ST6GALNAC3: variants seen among roughly 807,000 people sequenced by gnomAD.
ST6GALNAC3 encodes the protein ST6 N-acetylgalactosaminide alpha-2,6-sialyltransferase 3.
In ST6GALNAC3, 25 loss-of-function variants were observed where a neutral mutation model predicts 32.7. The observed-to-expected ratio is 0.76, with a 90% confidence interval of 0.56 to 1.07. The LOEUF is 1.07. Among genes scored for constraint, ST6GALNAC3 ranks in the 50% least tolerant of loss-of-function variants. ST6GALNAC3 has a pLI of 0.00. For missense variants in ST6GALNAC3, 355 were observed against 382.4 expected, an observed-to-expected ratio of 0.93 and a Z score of 0.60; for synonymous variants, 129 against 133.1, an observed-to-expected ratio of 0.97 and a Z score of 0.21.
At chr1:76,451,570 G>A (rs1044317218) in intron 3 of ST6GALNAC3, among the ~76,000 whole-genome samples, 8 of 152,100 alleles carry the variant, frequency 5.3e-5, no homozygotes, top group Non-Finnish European at 1.2e-4. Context: ...GTTTCCATTT[G>A]TTTGTGTCAC....
chr1:76,465,708 A>T (rs1248092808), intron 3 of ST6GALNAC3, among the ~76,000 whole-genome samples: 4 of 149,202 alleles, frequency 2.7e-5, no homozygotes, highest in Non-Finnish European at 4.5e-5. Flanking sequence ...AGTATTTTTC[A>T]TTTTTTTTTT....
rs560445481 is a variant in ST6GALNAC3 at position 76,447,181 on chromosome 1, G to A, written c.623+34764G>A. Among the ~76,000 whole-genome samples the A allele has an allele frequency of 5.3e-4, 80 of 152,274 alleles. 1 individual carries two copies. The South Asian group carries it at 0.016, about 30-fold the overall frequency. ...TCAAATGGAGATGAGGAACTTGTTG[G>A]GAACTGGACTGAAACAAAGGTAACT... On this transcript the variant is annotated intron_variant, in intron 3 of 4. Transcript: ENST00000328299.
chr1:76,323,632 G>A (rs1361711210), intron 2 of ST6GALNAC3, among the ~76,000 whole-genome samples: 1 of 152,100 alleles, frequency 6.6e-6, no homozygotes, highest in Non-Finnish European at 1.5e-5. Flanking sequence ...AACACTTTTT[G>A]CCTAGGGATA....
At chr1:76,385,564 A>G (rs1030783110) in intron 2 of ST6GALNAC3, among the ~76,000 whole-genome samples, 1 of 152,116 alleles carries the variant, frequency 6.6e-6, no homozygotes, top group Non-Finnish European at 1.5e-5. Flanking sequence ...AATCAATATA[A>G]TTAGTTACAA....
At chr1:76,523,983 A>G (rs766772067) in intron 3 of ST6GALNAC3, among the ~76,000 whole-genome samples, 1 of 152,168 alleles carries the variant, frequency 6.6e-6, no homozygotes, top group Non-Finnish European at 1.5e-5. Flanking sequence ...GATCATTATT[A>G]CACCTGTCCA....
intron 3 of ST6GALNAC3, among the ~76,000 whole-genome samples, chr1:76,533,634 GT>G (rs1436234262): frequency 6.6e-6 from 1 of 152,088 alleles, no homozygotes; most frequent in East Asian, 1.9e-4. Context: ...GGCAGAACAG[GT>G]CTCTGCCCTC....
chr1:76,109,595 T>C (rs1402155379), intron 1 of ST6GALNAC3, among the ~76,000 whole-genome samples: 1 of 152,204 alleles, frequency 6.6e-6, no homozygotes, highest in Non-Finnish European at 1.5e-5. Context: ...CAATAAAGCA[T>C]GTGAAGACCA....
chr1:76,460,156 T>G (rs1014935816), intron 3 of ST6GALNAC3, among the ~76,000 whole-genome samples: 23 of 152,180 alleles, frequency 1.5e-4, no homozygotes, highest in African/African-American at 5.3e-4. Flanking sequence ...TTATTTTTCA[T>G]TTTTTTAAAT....
At chr1:76,467,816 A>AT (rs1488127940) in intron 3 of ST6GALNAC3, among the ~76,000 whole-genome samples, 1 of 125,104 alleles carries the variant, frequency 8.0e-6, no homozygotes. Context: ...TGAATGAGCT[A>AT]TTGCCTGAAA....
At chr1:76,225,709 G>C (rs951135235) in intron 1 of ST6GALNAC3, among the ~76,000 whole-genome samples, 1 of 152,132 alleles carries the variant, frequency 6.6e-6, no homozygotes. Context: ...GAAATAGTTG[G>C]CTAATAAGTT....
intron 3 of ST6GALNAC3, among the ~76,000 whole-genome samples, chr1:76,443,211 G>A (rs886105434): frequency 6.6e-6 from 1 of 152,246 alleles, no homozygotes; most frequent in South Asian, 2.1e-4. Context: ...TAGTGCAGTT[G>A]TGGTGGATCA....
chr1:76,574,399 T>G (rs1646767128), intron 3 of ST6GALNAC3, among the ~76,000 whole-genome samples: 1 of 152,056 alleles, frequency 6.6e-6, no homozygotes, highest in Non-Finnish European at 1.5e-5. Context: ...AGAGATGAAT[T>G]TAAATGGTCT....
rs543039663 is a variant in ST6GALNAC3 at position 76,434,872 on chromosome 1, C to A, written c.623+22455C>A. On this transcript the variant is annotated intron_variant, in intron 3 of 4. Coordinates refer to ENST00000328299, the MANE Select transcript of ST6GALNAC3 (RefSeq NM_152996.4). ...GTGGCAAGATCTTGGCTCACTGCAA[C>A]CTCTGCCTCCCAGATTCAAGCAATT... 2.8e-4 allele frequency among the ~76,000 whole-genome samples: 41 copies of A among 143,996 alleles called. 1 individual carries two copies. In the South Asian group the frequency reaches 9.3e-3, roughly 33 times the overall value. The allele number at this position is 143,996 out of a possible 152,430, so 94.5% of individuals were successfully genotyped here.
At chr1:76,297,178 AGGTGGAGAT>A (rs1174954727) in intron 1 of ST6GALNAC3, among the ~76,000 whole-genome samples, 64 of 152,028 alleles carry the variant, frequency 4.2e-4, no homozygotes, top group Non-Finnish European at 8.8e-5. Flanking sequence ...AATTTGTCCA[AGGTGGAGAT>A]GAGAATCTCA....
At chr1:76,244,743 G>T (rs1017263505) in intron 1 of ST6GALNAC3, among the ~76,000 whole-genome samples, 1 of 152,104 alleles carries the variant, frequency 6.6e-6, no homozygotes. Flanking sequence ...GATGGAATAC[G>T]TTTATTGATT....
chr1:76,216,433 T>C (rs1036000363), intron 1 of ST6GALNAC3, among the ~76,000 whole-genome samples: 4 of 152,206 alleles, frequency 2.6e-5, no homozygotes, highest in African/African-American at 9.7e-5. Flanking sequence ...AAGCAATAAT[T>C]TGTTGTTGAA....
intron 3 of ST6GALNAC3, among the ~76,000 whole-genome samples, chr1:76,505,003 C>G (rs567113292): frequency 3.9e-5 from 6 of 152,254 alleles, no homozygotes; most frequent in Non-Finnish European, 2.9e-5. Context: ...AAATAGATAT[C>G]TTTCCGTCAT....
intron 3 of ST6GALNAC3, among the ~76,000 whole-genome samples, chr1:76,437,261 T>C (rs1656205827): frequency 6.6e-6 from 1 of 152,154 alleles, no homozygotes; most frequent in Non-Finnish European, 1.5e-5. Flanking sequence ...AGAGATCGTG[T>C]CCTTGGAAGA....
intron 3 of ST6GALNAC3, among the ~76,000 whole-genome samples, chr1:76,476,827 A>G (rs1270724167): frequency 1.3e-5 from 2 of 152,146 alleles, no homozygotes; most frequent in Non-Finnish European, 2.9e-5. Context: ...AGCTCTACTC[A>G]TGTTGTGTAC....
Sources: gnomAD v4.1 joint callset for allele counts (sites outside exome capture counted in the v4.1 genomes callset) on GRCh38, gnomAD v4.1.1 for gene constraint, MANE v1.5 for transcripts, NCBI Gene and HGNC (gene_info 2026-07-23, HGNC 2026-07-21) for gene names.